Variants in OCIAD1 observed in about 807,000 individuals in gnomAD.
OCIAD1 encodes the protein OCIA domain-containing protein 1.
OCIAD1 carries 29 observed loss-of-function variants against 38.9 expected under a neutral mutation model. The ratio of observed to expected loss-of-function variants is 0.74; its 90% CI spans 0.55 to 1.02. OCIAD1 has a LOEUF of 1.02. OCIAD1 is among the 50% of genes least tolerant of loss of function. OCIAD1 has a pLI of 0.00. For missense variants in OCIAD1, 288 were observed against 289.6 expected (o/e 0.99, Z 0.04); for synonymous variants, 110 against 92.0 (o/e 1.20, Z -1.12).
At chr4:48,858,626 A>T (rs1456386303) in intron 8 of OCIAD1, among the ~76,000 whole-genome samples, 1 of 151,790 alleles carries the variant, frequency 6.6e-6, no homozygotes. Context: ...GCTGTTAAAA[A>T]TTTTTTTTGG....
At chr4:48,855,936 T>C (rs1312484962) in intron 7 of OCIAD1, 1 of 152,210 alleles carries the variant, frequency 6.6e-6, no homozygotes, top group Non-Finnish European at 1.5e-5. Context: ...TCACAAAAAT[T>C]ATTTTTTAAA....
chr4:48,845,236 G>C (rs1269109393), intron 4 of OCIAD1, among the ~76,000 whole-genome samples: 1 of 152,162 alleles, frequency 6.6e-6, no homozygotes, highest in Non-Finnish European at 1.5e-5. Flanking sequence ...TCATGAATGA[G>C]CCCTTCACTT....
chr4:48,854,856 T>C (rs2109610379), intron 7 of OCIAD1, among the ~76,000 whole-genome samples: 1 of 152,362 alleles, frequency 6.6e-6, no homozygotes, highest in Middle Eastern at 3.4e-3. Context: ...TTACCAGGAA[T>C]TCAGAGAGTT....
chr4:48,841,894 G>A (rs1778565128), intron 3 of OCIAD1, among the ~76,000 whole-genome samples: 1 of 152,120 alleles, frequency 6.6e-6, no homozygotes. Flanking sequence ...AGTTTAAGGA[G>A]TTCACTAGTT....
At chr4:48,830,368 T>G (rs182115823), upstream of OCIAD1, among the ~76,000 whole-genome samples, 108 of 152,322 alleles carry the variant, frequency 7.1e-4, no homozygotes, top group Non-Finnish European at 1.2e-3. Flanking sequence ...ATAGTAGGAC[T>G]GGATTTGCCC....
intron 1 of OCIAD1, among the ~76,000 whole-genome samples, chr4:48,815,946 C>G (rs1223629321): frequency 6.6e-6 from 1 of 152,180 alleles, no homozygotes; most frequent in Non-Finnish European, 1.5e-5. Context: ...CTTTGATACT[C>G]TTAATTTTAT....
chr4:48,818,647 C>G (rs1280056756), intron 1 of OCIAD1, among the ~76,000 whole-genome samples: 3 of 152,074 alleles, frequency 2.0e-5, no homozygotes, highest in Non-Finnish European at 2.9e-5. Context: ...GAGCATGTTC[C>G]TACCCAATGC....
At chr4:48,827,442 G>C (rs181013250), upstream of OCIAD1, among the ~76,000 whole-genome samples, 61 of 152,258 alleles carry the variant, frequency 4.0e-4, 1 homozygote, top group East Asian at 0.011. Flanking sequence ...TTCCAGATTA[G>C]AACACATTAG....
intron 1 of OCIAD1, among the ~76,000 whole-genome samples, chr4:48,813,674 C>G (rs182867210): frequency 5.7e-4 from 87 of 152,270 alleles, no homozygotes; most frequent in Non-Finnish European, 6.3e-4. Context: ...AACAAACAAA[C>G]AAAAACTGGC....
intron 1 of OCIAD1, among the ~76,000 whole-genome samples, chr4:48,812,759 T>C (rs1456287266): frequency 6.6e-6 from 1 of 152,150 alleles, no homozygotes; most frequent in African/African-American, 2.4e-5. Flanking sequence ...TCAAGGAGTT[T>C]TGCCATAAAA....
intron 1 of OCIAD1, among the ~76,000 whole-genome samples, chr4:48,805,503 C>CT (rs1399171048): frequency 1.3e-5 from 2 of 152,048 alleles, no homozygotes; most frequent in African/African-American, 4.8e-5. Flanking sequence ...AATTTGAATC[C>CT]TTTTTTGGTC....
intron 1 of OCIAD1, among the ~76,000 whole-genome samples, chr4:48,821,867 A>G (rs1000166126): frequency 6.6e-5 from 10 of 152,238 alleles, no homozygotes; most frequent in Non-Finnish European, 7.3e-5. Context: ...AAGGAAAACT[A>G]CAAACCACTG....
At chr4:48,852,639 C>T (rs1175384934) in intron 7 of OCIAD1, 1 of 152,002 alleles carries the variant, frequency 6.6e-6, no homozygotes, top group Admixed American at 6.6e-5. Context: ...CTTTATGATC[C>T]TTTCAGTTTC....
intron 7 of OCIAD1, chr4:48,855,962 G>A (rs1780002956): frequency 1.3e-5 from 2 of 152,078 alleles, no homozygotes; most frequent in African/African-American, 2.4e-5. Flanking sequence ...AATATTAAAA[G>A]TATATGCCCA....
At chr4:48,846,572 C>A (rs1431855428) in intron 4 of OCIAD1, among the ~76,000 whole-genome samples, 2 of 151,992 alleles carry the variant, frequency 1.3e-5, no homozygotes, top group Non-Finnish European at 2.9e-5. Context: ...TATGGTGAAA[C>A]CCTGTCTCTA....
At chr4:48,833,372 A>G in intron 2 of OCIAD1, 29 bp from the exon 3 acceptor site, 1 of 1,315,932 alleles carries the variant, frequency 7.6e-7, no homozygotes, top group Non-Finnish European at 1.1e-6. Context: ...TGGATAATTT[A>G]ATGTTTTCTG....
At chr4:48,841,982 T>C (rs750660292) in intron 3 of OCIAD1, among the ~76,000 whole-genome samples, 33 of 152,186 alleles carry the variant, frequency 2.2e-4, no homozygotes, top group African/African-American at 7.7e-4. Flanking sequence ...CGGTCAAATA[T>C]GTTTTGTATT....
chr4:48,813,342 C>T (rs1408772482), intron 1 of OCIAD1, among the ~76,000 whole-genome samples: 8 of 152,118 alleles, frequency 5.3e-5, no homozygotes, highest in Admixed American at 5.2e-4. Flanking sequence ...AAGTGTTATC[C>T]TACAGGCATA....
chr4:48,856,079 T>G (rs1202368995), intron 7 of OCIAD1: 2 of 148,404 alleles, frequency 1.3e-5, no homozygotes, highest in Admixed American at 1.3e-4. Flanking sequence ...TGTTAGCATC[T>G]TTTTTTTTTA....
Sources: gnomAD v4.1 joint callset for allele counts (sites outside exome capture counted in the v4.1 genomes callset) on GRCh38, gnomAD v4.1.1 for gene constraint, MANE v1.5 for transcripts, NCBI Gene and HGNC (gene_info 2026-07-23, HGNC 2026-07-21) for gene names.